The following CAMTA1 variants were observed in gnomAD, a reference collection of about 807,000 sequenced individuals.
CAMTA1 encodes the protein calmodulin-binding transcription activator 1.
In CAMTA1, 27 loss-of-function variants were observed where a neutral mutation model predicts 170.9. That is an observed-to-expected ratio of 0.16 (90% confidence interval 0.12 to 0.22). The LOEUF is 0.22. Ranked by LOEUF, CAMTA1 falls within the 10% of genes least tolerant of loss-of-function variation. The probability of loss-of-function intolerance (pLI) is 1.00; values close to 1 mark genes in which losing one functional copy is unlikely to be tolerated. For missense variants in CAMTA1, 1,619 were observed against 2,217.2 expected (o/e 0.73, Z 5.42); for synonymous variants, 833 against 891.5 (o/e 0.93, Z 1.17).
At chr1:7,238,467 A>C (rs1318562858) in intron 4 of CAMTA1, among the ~76,000 whole-genome samples, 2 of 152,270 alleles carry the variant, frequency 1.3e-5, no homozygotes, top group Admixed American at 6.5e-5. Context: ...AGAATAGAAC[A>C]TGGAATGACC....
At chr1:7,104,194 C>G (rs1255611778) in intron 4 of CAMTA1, among the ~76,000 whole-genome samples, 1 of 150,050 alleles carries the variant, frequency 6.7e-6, no homozygotes, top group African/African-American at 2.4e-5. Context: ...AACACACATG[C>G]ACACACAACT....
At chr1:7,514,430 A>G (rs541083631) in intron 6 of CAMTA1, among the ~76,000 whole-genome samples, 1 of 152,220 alleles carries the variant, frequency 6.6e-6, no homozygotes, top group Non-Finnish European at 1.5e-5. Context: ...TTGAGTTAAC[A>G]TTCCTTGAGC....
chr1:7,347,731 C>T (rs1309886099), intron 5 of CAMTA1, among the ~76,000 whole-genome samples: 11 of 152,166 alleles, frequency 7.2e-5, no homozygotes, highest in Non-Finnish European at 1.3e-4. Flanking sequence ...AGGACCCCCC[C>T]GGCTTGCAGC....
At chr1:7,687,009 C>T (rs904135657) in intron 11 of CAMTA1, among the ~76,000 whole-genome samples, 2 of 152,006 alleles carry the variant, frequency 1.3e-5, no homozygotes, top group African/African-American at 4.8e-5. Context: ...CAGCTGACAA[C>T]CTCATTAGAG....
rs530204433 is a variant in CAMTA1 at position 7,562,153 on chromosome 1, G to A, written c.511-78247G>A. Among the ~76,000 whole-genome samples the A allele has an allele frequency of 1.3e-5, 2 of 152,234 alleles. No individual in the cohort carries two copies. The highest frequency in any genetic ancestry group is 1.9e-4 in the East Asian group (1 of 5,168). ...CTCACTACCCGCACCAGGATTCACG[G>A]GTTGCAGCTGCCCAGTCCTGAGGCC... is the stretch of plus-strand genomic sequence containing the variant. On this transcript the variant is annotated intron_variant, in intron 6 of 22. Coordinates refer to ENST00000303635, the MANE Select transcript of CAMTA1 (RefSeq NM_015215.4). This position sits in a 1 kb window ranked among gnomAD's most constrained non-coding sequence, Gnocchi z 4.8.
At chr1:7,604,500 A>G (rs1156966947) in intron 6 of CAMTA1, among the ~76,000 whole-genome samples, 1 of 152,166 alleles carries the variant, frequency 6.6e-6, no homozygotes, top group Non-Finnish European at 1.5e-5. Flanking sequence ...CATTCATCAC[A>G]TAGTTCTGAG....
chr1:7,687,003 T>G (rs917813212), intron 11 of CAMTA1, among the ~76,000 whole-genome samples: 3 of 152,032 alleles, frequency 2.0e-5, no homozygotes, highest in Non-Finnish European at 4.4e-5. Flanking sequence ...ACGTTACAGC[T>G]GACAACCTCA....
intron 4 of CAMTA1, among the ~76,000 whole-genome samples, chr1:7,231,082 G>A (rs993226144): frequency 2.6e-5 from 4 of 152,128 alleles, no homozygotes; most frequent in African/African-American, 9.7e-5. Context: ...GGGTGCAGTC[G>A]AGTCTGATCG....
chr1:7,494,027 C>T (rs971435883), intron 6 of CAMTA1, among the ~76,000 whole-genome samples: 5 of 152,226 alleles, frequency 3.3e-5, no homozygotes, highest in East Asian at 1.9e-4. Context: ...GCCACTCCCC[C>T]GTGCATTTTA....
chr1:7,415,571 A>T (rs1223865526), intron 5 of CAMTA1, among the ~76,000 whole-genome samples: 1 of 151,960 alleles, frequency 6.6e-6, no homozygotes, highest in Non-Finnish European at 1.5e-5. Context: ...ATCAGAGACT[A>T]GGATTGCAAC....
intron 4 of CAMTA1, among the ~76,000 whole-genome samples, chr1:7,240,661 A>G (rs190498860): frequency 1.0e-3 from 153 of 152,048 alleles, no homozygotes; most frequent in African/African-American, 3.6e-3. Context: ...AGCTGGGACC[A>G]CAGGCATGTG....
chr1:7,340,609 C>A (rs2083751805), intron 5 of CAMTA1, among the ~76,000 whole-genome samples: 1 of 140,282 alleles, frequency 7.1e-6, no homozygotes, highest in Non-Finnish European at 1.5e-5. Context: ...TTCCATCCGT[C>A]ACCTATCCAT....
At chr1:7,589,301 C>G (rs980543889) in intron 6 of CAMTA1, among the ~76,000 whole-genome samples, 1 of 152,332 alleles carries the variant, frequency 6.6e-6, no homozygotes, top group East Asian at 1.9e-4. Context: ...TGCCCTCTTC[C>G]TGGGGGCTCT....
intron 5 of CAMTA1, among the ~76,000 whole-genome samples, chr1:7,418,207 T>C (rs2091325944): frequency 6.6e-6 from 1 of 152,176 alleles, no homozygotes; most frequent in Non-Finnish European, 1.5e-5. Flanking sequence ...TTTTTGTTGT[T>C]GTTGTTGAGA....
intron 12 of CAMTA1, among the ~76,000 whole-genome samples, chr1:7,733,925 G>A (rs1248428049): frequency 1.3e-5 from 2 of 152,108 alleles, no homozygotes; most frequent in African/African-American, 4.8e-5. Flanking sequence ...GCACGCAGTA[G>A]AATATTATTA....
intron 6 of CAMTA1, among the ~76,000 whole-genome samples, chr1:7,540,840 A>G (rs1351395681): frequency 6.6e-6 from 1 of 152,224 alleles, no homozygotes; most frequent in African/African-American, 2.4e-5. Context: ...TGACTCAATC[A>G]TAGAGGCTTT....
rs545811443 is a variant in CAMTA1, at chr1:7,111,041, G to A, written c.302+19670G>A. ...AATCCATCTCTTCACCTCTTCCAGCGGCTAGAGGCCGCCTGCATTCTTTGG... is the reference window on the plus strand; with the variant it reads ...AATCCATCTCTTCACCTCTTCCAGCAGCTAGAGGCCGCCTGCATTCTTTGG... On this transcript the variant is annotated intron_variant, in intron 4 of 22. Coordinates refer to ENST00000303635, the MANE Select transcript of CAMTA1 (RefSeq NM_015215.4). Among the ~76,000 whole-genome samples, 105 of 152,330 alleles carry A rather than the reference G, an allele frequency of 6.9e-4. No individual in the cohort carries two copies. The South Asian group carries it at 0.017, about 25-fold the overall frequency.
intron 6 of CAMTA1, among the ~76,000 whole-genome samples, chr1:7,601,104 GC>G (rs1231446188): frequency 1.3e-5 from 2 of 150,350 alleles, no homozygotes; most frequent in African/African-American, 4.9e-5. Flanking sequence ...GGCTGGCCGG[GC>G]CGGGGGCTGA....
chr1:7,514,610 A>G (rs1404483203), intron 6 of CAMTA1, among the ~76,000 whole-genome samples: 1 of 152,222 alleles, frequency 6.6e-6, no homozygotes, highest in Non-Finnish European at 1.5e-5. Flanking sequence ...CATTTGGGAA[A>G]TGCAAGCAGG....
Sources: gnomAD v4.1 joint callset for allele counts (sites outside exome capture counted in the v4.1 genomes callset) on GRCh38, gnomAD v4.1.1 for gene constraint, Gnocchi (gnomAD v3.1) non-coding constraint, MANE v1.5 for transcripts, NCBI Gene and HGNC (gene_info 2026-07-23, HGNC 2026-07-21) for gene names.